The following ARMH3 variants were observed in gnomAD, a reference collection of about 807,000 sequenced individuals.
ARMH3 encodes armadillo like helical domain containing 3.
In ARMH3, 60 loss-of-function variants were observed where a neutral mutation model predicts 99.1. The ratio of observed to expected loss-of-function variants is 0.61; its 90% confidence interval spans 0.49 to 0.75. The LOEUF (loss-of-function observed/expected upper bound fraction) is 0.75, where lower values mean the gene tolerates loss of function less well. Among genes scored for constraint, ARMH3 ranks in the 30% least tolerant of loss-of-function variants. The probability of loss-of-function intolerance (pLI) is 0.00; values close to 1 mark genes in which losing one functional copy is unlikely to be tolerated. For missense variants in ARMH3, 679 were observed against 843.1 expected, an observed-to-expected ratio of 0.81 and a Z score of 2.41; for synonymous variants, 285 against 292.8, an observed-to-expected ratio of 0.97 and a Z score of 0.27.
At chr10:102,003,124 A>G (rs2066405333) in intron 14 of ARMH3, among the ~76,000 whole-genome samples, 3 of 152,118 alleles carry the variant, frequency 2.0e-5, no homozygotes, top group Admixed American at 2.0e-4. Context: ...ACAATGACAG[A>G]TAATTGGCCT....
At chr10:101,862,896 C>T (rs572783193) in intron 24 of ARMH3, among the ~76,000 whole-genome samples, 2 of 152,168 alleles carry the variant, frequency 1.3e-5, no homozygotes, top group Non-Finnish European at 2.9e-5. Context: ...GCCAATTATA[C>T]AAGTTGCCCA....
rs761340611 is a variant in ARMH3, at chr10:102,029,764, G to C, written c.307-19C>G. The C allele has an allele frequency of 2.5e-6, 4 of 1,604,218 alleles. No homozygotes were observed. Among genetic ancestry groups the C allele is most frequent in the Non-Finnish European group, 3.4e-6 (4 of 1,172,548 alleles). ...ACAGGGTCTGCAGAAATGAGAGAAAGAATTCTTTCTGGAGAGGAAGTCTCA... is the reference window on the plus strand; with the variant it reads ...ACAGGGTCTGCAGAAATGAGAGAAACAATTCTTTCTGGAGAGGAAGTCTCA... On this transcript the variant is annotated intron_variant, in intron 4 of 25. Transcript: ENST00000370033.
chr10:101,957,633 T>C lies in ARMH3; in HGVS notation c.1578+17A>G, dbSNP rs186711754. 6.3e-7 allele frequency: 1 copy of C among 1,596,562 alleles called. No individual in the cohort carries two copies. The highest frequency in any genetic ancestry group is 2.2e-5 in the East Asian group (1 of 44,690). On this transcript the variant is annotated intron_variant, in intron 21 of 25. Coordinates refer to ENST00000370033, the MANE Select transcript of ARMH3 (RefSeq NM_024541.3). The stretch of plus-strand genomic sequence containing the variant: ...GCATATGGCTTCAGAAAAAGAAGTA[T>C]TTGTTTTGATACTCACCATAAGGGC...
At chr10:101,929,111 AC>A (rs1843621882) in intron 23 of ARMH3, among the ~76,000 whole-genome samples, 1 of 152,076 alleles carries the variant, frequency 6.6e-6, no homozygotes, top group Admixed American at 6.5e-5. Context: ...AGTTCTAAAG[AC>A]TCCAGACATA....
chr10:101,895,634 G>A (rs989870267), intron 23 of ARMH3, among the ~76,000 whole-genome samples: 5 of 152,138 alleles, frequency 3.3e-5, no homozygotes, highest in African/African-American at 4.8e-5. Flanking sequence ...GTCAGGCAGT[G>A]ATTTCTTAGA....
At chr10:101,998,491 C>T (rs11191173) in intron 15 of ARMH3, among the ~76,000 whole-genome samples, 2,559 of 152,250 alleles carry the variant, frequency 0.017, 42 homozygotes, top group Middle Eastern at 0.041. Context: ...AGAACACTTG[C>T]AAAACATAAA....
At chr10:101,942,587 C>T (rs1349666881) in intron 22 of ARMH3, among the ~76,000 whole-genome samples, 1 of 152,130 alleles carries the variant, frequency 6.6e-6, no homozygotes, top group Non-Finnish European at 1.5e-5. Context: ...GTGAGCCGGG[C>T]ACAGTGGCTC....
At chr10:102,031,368 T>C (rs2067127211) in intron 4 of ARMH3, among the ~76,000 whole-genome samples, 1 of 152,244 alleles carries the variant, frequency 6.6e-6, no homozygotes, top group East Asian at 1.9e-4. Flanking sequence ...AAGTATAAGC[T>C]ATTATAACAA....
chr10:101,986,684 T>C (rs1846526703), intron 19 of ARMH3, among the ~76,000 whole-genome samples: 1 of 152,098 alleles, frequency 6.6e-6, no homozygotes, highest in African/African-American at 2.4e-5. Flanking sequence ...GGGTACATAA[T>C]GAGAAGTGAG....
chr10:102,035,035 GAGACCAGCCTGGCGAACACGGTGAA>G (rs1264855448), intron 2 of ARMH3, among the ~76,000 whole-genome samples: 1 of 152,148 alleles, frequency 6.6e-6, no homozygotes, highest in Non-Finnish European at 1.5e-5. Flanking sequence ...TCAAGAGTTT[GAGACCAGCCTGGCGAACACGGTGAA>G]ACCCCATCTC....
chr10:101,920,027 A>G (rs930125898), intron 23 of ARMH3, among the ~76,000 whole-genome samples: 1 of 152,186 alleles, frequency 6.6e-6, no homozygotes, highest in African/African-American at 2.4e-5. Context: ...ATCAGGCCCA[A>G]CCAATATCCT....
intron 22 of ARMH3, among the ~76,000 whole-genome samples, chr10:101,945,056 T>C (rs1486630139): frequency 6.6e-6 from 1 of 152,168 alleles, no homozygotes; most frequent in Non-Finnish European, 1.5e-5. Flanking sequence ...CTAAAAACTC[T>C]AGACAAAACA....
chr10:101,863,154 G>C lies in ARMH3; in HGVS notation c.1861-13262C>G, dbSNP rs149526363. Among the ~76,000 whole-genome samples, 1,428 of 152,340 alleles carry C rather than the reference G, an allele frequency of 9.4e-3. 18 individuals carry two copies. Among genetic ancestry groups the C allele is most frequent in the African/African-American group, 0.033 (1,356 of 41,580 alleles). On this transcript the variant is annotated intron_variant, in intron 24 of 25. Coordinates refer to ENST00000370033, the MANE Select transcript of ARMH3 (RefSeq NM_024541.3). ...GGAGGCGGAGGTTGCGGTGAGCCAA[G>C]ATCACGCCACTGCACTCCAGCCTGG...
In ARMH3 at chr10:101,945,460, G is replaced by T. The variant is rs183836781; in HGVS notation, c.1706-5522C>A. On this transcript the variant is annotated intron_variant, in intron 22 of 25. Transcript: ENST00000370033. ...AGGCTGGACACGGTGGCTCGCGCTT[G>T]TAATCCCAGCACTTTGGGAGGCTGA... Among the ~76,000 whole-genome samples the T allele has an allele frequency of 2.0e-5, 3 of 152,268 alleles. No homozygotes were observed. In the East Asian group the frequency reaches 5.8e-4, roughly 29 times the overall value.
At chr10:101,915,864 C>T (rs1266686990) in intron 23 of ARMH3, among the ~76,000 whole-genome samples, 5 of 146,676 alleles carry the variant, frequency 3.4e-5, no homozygotes, top group Non-Finnish European at 7.4e-5. Context: ...ACTGCAGTGG[C>T]ACTACCTCGG....
intron 14 of ARMH3, among the ~76,000 whole-genome samples, 187 bp downstream of exon 14, chr10:102,006,353 A>C (rs1238278899): frequency 1.3e-5 from 2 of 152,248 alleles, no homozygotes; most frequent in Admixed American, 6.5e-5. Flanking sequence ...TTTTACAGAG[A>C]AAATCACTGG....
intron 23 of ARMH3, among the ~76,000 whole-genome samples, chr10:101,924,415 G>A (rs1021613043): frequency 6.7e-6 from 1 of 148,896 alleles, no homozygotes; most frequent in Non-Finnish European, 1.5e-5. Flanking sequence ...AGGCTAGAGT[G>A]CAGTGGCGTG....
chr10:101,875,598 T>C (rs1050015894), intron 24 of ARMH3, among the ~76,000 whole-genome samples: 3 of 152,116 alleles, frequency 2.0e-5, no homozygotes, highest in Non-Finnish European at 4.4e-5. Context: ...GTTCTCCCAG[T>C]CCATCCATGC....
chr10:102,023,961 G>A (rs1281086122), intron 6 of ARMH3, among the ~76,000 whole-genome samples: 1 of 152,092 alleles, frequency 6.6e-6, no homozygotes, highest in Non-Finnish European at 1.5e-5. Context: ...CTAAGTCTTT[G>A]AACTCCTCAT....
Sources: allele counts gnomAD v4.1 joint callset (sites outside exome capture counted in the v4.1 genomes callset), GRCh38; gene constraint gnomAD v4.1.1; transcripts MANE v1.5; gene names NCBI Gene and HGNC (gene_info 2026-07-23, HGNC 2026-07-21).